Variants in ANKRD28 observed in about 807,000 individuals in gnomAD.
ANKRD28 encodes ankyrin repeat domain 28.
In ANKRD28, 44 loss-of-function variants were observed where a neutral mutation model predicts 126.5. The observed-to-expected ratio is 0.35, with a 90% CI of 0.27 to 0.45. ANKRD28 has a LOEUF of 0.45. Among genes scored for constraint, ANKRD28 ranks in the 20% least tolerant of loss-of-function variants. The pLI, the probability that ANKRD28 is intolerant of heterozygous loss-of-function variation, is 1.00. For missense variants in ANKRD28, 1,110 were observed against 1,316.6 expected, an observed-to-expected ratio of 0.84 and a Z score of 2.43; for synonymous variants, 442 against 468.5, an observed-to-expected ratio of 0.94 and a Z score of 0.73.
rs2060545365 is a variant in ANKRD28, at chr3:15,804,981, T to G, written c.28-9675A>C. Among the ~76,000 whole-genome samples the G allele has an allele frequency of 1.4e-5, 2 of 145,222 alleles. 1 individual carries two copies. Among genetic ancestry groups the G allele is most frequent in the Non-Finnish European group, 3.0e-5 (2 of 67,156 alleles). On this transcript the variant is annotated intron_variant, in intron 1 of 27. Coordinates refer to the ANKRD28 transcript ENST00000399451. ...AATGGGGGACTAGAAGAATGCTGAC[T>G]TTGCGCTCTTTCCTCCTCCCAACAC...
chr3:15,756,553 T>C (rs898414166), intron 3 of ANKRD28: 11 of 978,910 alleles, frequency 1.1e-5, no homozygotes, highest in Non-Finnish European at 1.2e-5. Flanking sequence ...GACACAGTCA[T>C]GGGTTAGTGG....
intron 21 of ANKRD28, among the ~76,000 whole-genome samples, chr3:15,682,407 G>C (rs1331692454): frequency 6.6e-6 from 1 of 152,040 alleles, no homozygotes; most frequent in Non-Finnish European, 1.5e-5. Flanking sequence ...ATCATTACTG[G>C]GTGATATCAA....
At chr3:15,712,765 T>G (rs1559386967) in intron 10 of ANKRD28, among the ~76,000 whole-genome samples, 1 of 152,352 alleles carries the variant, frequency 6.6e-6, no homozygotes, top group Non-Finnish European at 1.5e-5. Flanking sequence ...ACAATAATTC[T>G]ATAAAATAAA....
At chr3:15,818,380 A>C (rs1299305866) in intron 1 of ANKRD28, among the ~76,000 whole-genome samples, 1 of 152,238 alleles carries the variant, frequency 6.6e-6, no homozygotes, top group Non-Finnish European at 1.5e-5. Flanking sequence ...ACAAATTTAA[A>C]ATAGTTTACA....
At chr3:15,776,362 GAAAC>G (rs988644441) in intron 2 of ANKRD28, among the ~76,000 whole-genome samples, 5 of 152,170 alleles carry the variant, frequency 3.3e-5, no homozygotes, top group African/African-American at 4.8e-5. Context: ...AAAAAAATGT[GAAAC>G]AACCCAATTA....
chr3:15,691,837 A>G (rs2068842129), intron 17 of ANKRD28, among the ~76,000 whole-genome samples: 1 of 152,176 alleles, frequency 6.6e-6, no homozygotes. Context: ...CAATATAAAA[A>G]GAAGAGTTTA....
Position 15,667,833 on chromosome 3 carries a change from T to C in ANKRD28, c.*2437A>G, listed in dbSNP as rs143039577. On this transcript the variant is annotated 3_prime_UTR_variant, in exon 28 of 28. Coordinates refer to ENST00000683139, the MANE Select transcript of ANKRD28 (RefSeq NM_001349278.2). The stretch of plus-strand genomic sequence containing the variant: ...TCATTTACATATAAGTGATGCAGGA[T>C]AGAAGTTCTGGTGTATGTGATAAAT... 15 of 152,374 alleles carry C rather than the reference T, an allele frequency of 9.8e-5. 1 individual carries two copies. Among genetic ancestry groups the C allele is most frequent in the African/African-American group, 3.4e-4 (14 of 41,598 alleles). 9.4% of individuals were successfully genotyped at this position (152,374 alleles called of 1,614,324 possible). A position where few individuals can be genotyped will look rare whatever the true frequency, so the allele number is the denominator to read the frequency against.
Position 15,721,024 on chromosome 3 carries a change from TTCACAA to T in ANKRD28, c.881_886del (p.Ile294_Val295del). 6.2e-7 allele frequency: 1 copy of T among 1,613,930 alleles called. No individual in the cohort carries two copies. Among genetic ancestry groups the T allele is most frequent in the Non-Finnish European group, 8.5e-7 (1 of 1,179,830 alleles). ...AGTAAATCCTTTTTCATTCTTTTGA[TTCACAA>T]TAGCACCACAGTCTATAAGTTCATT... is the stretch of plus-strand genomic sequence containing the variant. On this transcript the variant is annotated inframe_deletion, in exon 8 of 28. Coordinates refer to ENST00000683139, the MANE Select transcript of ANKRD28 (RefSeq NM_001349278.2).
chr3:15,808,813 A>G (rs191228973), intron 1 of ANKRD28, among the ~76,000 whole-genome samples: 1 of 152,302 alleles, frequency 6.6e-6, no homozygotes, highest in East Asian at 1.9e-4. Flanking sequence ...CTTTCCACCA[A>G]TCAAATGAAA....
At chr3:15,755,509 T>C (rs1198868311) in intron 3 of ANKRD28, among the ~76,000 whole-genome samples, 2 of 152,210 alleles carry the variant, frequency 1.3e-5, no homozygotes, top group Non-Finnish European at 2.9e-5. Flanking sequence ...TATCTATATA[T>C]TCATATATAC....
intron 3 of ANKRD28, among the ~76,000 whole-genome samples, chr3:15,762,327 C>A (rs1022648075): frequency 6.6e-6 from 1 of 150,396 alleles, no homozygotes; most frequent in Non-Finnish European, 1.5e-5. Flanking sequence ...AAGTTAAATA[C>A]ACATCCTGAT....
At chr3:15,737,352 C>T in intron 4 of ANKRD28, 119 bp from the exon 5 acceptor site, 1 of 871,688 alleles carries the variant, frequency 1.1e-6, no homozygotes. Context: ...AATAAAAAAG[C>T]TCTCATAGAA....
chr3:15,797,941 T>A lies in ANKRD28; in HGVS notation c.-1420A>T. 1.0e-6 allele frequency: 1 copy of A among 985,334 alleles called. No individual in the cohort carries two copies. The highest frequency in any genetic ancestry group is 1.2e-6 in the Non-Finnish European group (1 of 829,904). The allele number at this position is 985,334 out of a possible 1,614,324, so 61.0% of individuals were successfully genotyped here. On this transcript the variant is annotated 5_prime_UTR_variant, in exon 1 of 28. Transcript: ENST00000683139. ...AAGACTGCAGACCCACAGGATGAAA[T>A]GCCTAGTAATGCTCACATGTTACAC...
At chr3:15,737,428 G>C (rs1032833730) in intron 4 of ANKRD28, among the ~76,000 whole-genome samples, 195 bp from the exon 5 acceptor site, 1 of 131,662 alleles carries the variant, frequency 7.6e-6, no homozygotes, top group African/African-American at 2.8e-5. Flanking sequence ...GCGATACTGA[G>C]AGTACTCAGA....
At chr3:15,707,352 C>T (rs2071596480) in intron 14 of ANKRD28, among the ~76,000 whole-genome samples, 1 of 152,098 alleles carries the variant, frequency 6.6e-6, no homozygotes, top group Non-Finnish European at 1.5e-5. Flanking sequence ...ATCATTTATT[C>T]TTGTTTTCAC....
intron 24 of ANKRD28, 76 bp downstream of exon 24, chr3:15,678,133 A>T: frequency 7.2e-7 from 1 of 1,391,242 alleles, no homozygotes; most frequent in African/African-American, 1.4e-5. Flanking sequence ...AGTTGAAGTC[A>T]GAAGTCTTGG....
intron 15 of ANKRD28, among the ~76,000 whole-genome samples, chr3:15,695,747 A>G (rs2069447381): frequency 6.6e-6 from 1 of 152,140 alleles, no homozygotes; most frequent in African/African-American, 2.4e-5. Context: ...AGGGGTTGTG[A>G]AATAAATGTG....
chr3:15,778,124 T>G (rs2059382812), intron 2 of ANKRD28, among the ~76,000 whole-genome samples: 1 of 152,172 alleles, frequency 6.6e-6, no homozygotes, highest in Non-Finnish European at 1.5e-5. Context: ...GCCTAATAGG[T>G]GTCCATAGCA....
intron 14 of ANKRD28, among the ~76,000 whole-genome samples, chr3:15,704,065 A>T (rs1462473662): frequency 6.6e-6 from 1 of 152,172 alleles, no homozygotes; most frequent in Non-Finnish European, 1.5e-5. Flanking sequence ...GAGAAGACCC[A>T]CATGACATCC....
Sources: allele counts gnomAD v4.1 joint callset (sites outside exome capture counted in the v4.1 genomes callset), GRCh38; gene constraint gnomAD v4.1.1; transcripts MANE v1.5; gene names NCBI Gene and HGNC (gene_info 2026-07-23, HGNC 2026-07-21).